Variants in RAB2A observed in about 807,000 individuals in gnomAD.
The protein encoded by RAB2A is RAB2A, member RAS oncogene family.
A neutral mutation model predicts 32.5 loss-of-function variants in RAB2A; 7 were observed. That is an observed-to-expected ratio of 0.22 (90% CI 0.12 to 0.40). RAB2A has a LOEUF of 0.40. Among genes scored for constraint, RAB2A ranks in the 10% least tolerant of loss-of-function variants. The pLI is 1.00. For synonymous variants in RAB2A, 79 were observed against 85.2 expected, an observed-to-expected ratio of 0.93 and a Z score of 0.40; for missense variants, 108 against 260.7, an observed-to-expected ratio of 0.41 and a Z score of 4.03.
chr8:60,558,104 A>G (rs373730191), intron 1 of RAB2A, among the ~76,000 whole-genome samples: 1 of 152,182 alleles, frequency 6.6e-6, no homozygotes, highest in East Asian at 1.9e-4. Context: ...GAATGAATGA[A>G]TGAATGGTGA....
intron 1 of RAB2A, among the ~76,000 whole-genome samples, chr8:60,545,520 C>T (rs1807713953): frequency 1.3e-5 from 2 of 152,144 alleles, no homozygotes; most frequent in South Asian, 2.1e-4. Flanking sequence ...CAAGCAGTCA[C>T]TCCTCCTGCC....
intron 1 of RAB2A, among the ~76,000 whole-genome samples, chr8:60,547,840 C>T (rs1256074034): frequency 1.6e-5 from 2 of 124,496 alleles, no homozygotes; most frequent in African/African-American, 3.3e-5. Flanking sequence ...GCTGACCCCC[C>T]CACCTCCCTC....
intron 6 of RAB2A, among the ~76,000 whole-genome samples, chr8:60,602,789 G>A (rs1804156031): frequency 6.6e-6 from 1 of 152,218 alleles, no homozygotes; most frequent in Admixed American, 6.5e-5. Context: ...TAATTATGGG[G>A]AAGTTTGTTC....
intron 1 of RAB2A, among the ~76,000 whole-genome samples, chr8:60,531,753 T>G (rs1258025783): frequency 6.6e-6 from 1 of 151,822 alleles, no homozygotes; most frequent in Non-Finnish European, 1.5e-5. Flanking sequence ...TTTTCACTAG[T>G]CTTCAGGGAA....
At chr8:60,615,584 CTCA>C (rs1804436018) in intron 6 of RAB2A, among the ~76,000 whole-genome samples, 1 of 152,048 alleles carries the variant, frequency 6.6e-6, no homozygotes, top group Admixed American at 6.5e-5. Context: ...ATACATATTT[CTCA>C]TCTTTTTGGA....
At chr8:60,538,822 T>G (rs1327814481) in intron 1 of RAB2A, among the ~76,000 whole-genome samples, 1 of 152,042 alleles carries the variant, frequency 6.6e-6, no homozygotes, top group African/African-American at 2.4e-5. Context: ...TGAAGGACAG[T>G]GAAGGGTGGA....
chr8:60,565,987 A>T (rs908369390), intron 2 of RAB2A, among the ~76,000 whole-genome samples: 3 of 152,144 alleles, frequency 2.0e-5, no homozygotes, highest in African/African-American at 7.2e-5. Flanking sequence ...TGCTGGGATT[A>T]CAGGCGTGAG....
intron 3 of RAB2A, among the ~76,000 whole-genome samples, chr8:60,574,546 T>G (rs1808241531): frequency 6.6e-6 from 1 of 152,366 alleles, no homozygotes; most frequent in African/African-American, 2.4e-5. Context: ...CATAAACCAC[T>G]TCATTGTCTG....
chr8:60,605,832 C>T (rs11781128), intron 6 of RAB2A, among the ~76,000 whole-genome samples: 32,294 of 119,960 alleles, frequency 0.27, 4,276 homozygotes, highest in Middle Eastern at 0.45. Flanking sequence ...GGGACTAATA[C>T]ATATATACAT....
chr8:60,580,128 CTGAGA>C (rs914126033), intron 3 of RAB2A, among the ~76,000 whole-genome samples: 1 of 151,594 alleles, frequency 6.6e-6, no homozygotes, highest in African/African-American at 2.4e-5. Context: ...TCCCAAGTAG[CTGAGA>C]TTACAGGTGT....
In RAB2A at chr8:60,517,089, A is replaced by G. The variant is rs11544472; in HGVS notation, c.-119A>G. On this transcript the variant is annotated 5_prime_UTR_variant, in exon 1 of 8. Transcript: ENST00000262646. The stretch of plus-strand genomic sequence containing the variant: ...CTCACTCCCGGCGGCTGACAGCAGC[A>G]GCGGCGGCGGCGGGCGGCGCCTGGC... The G allele has an allele frequency of 1.9e-6, 2 of 1,080,136 alleles. No individual in the cohort carries two copies. The highest frequency in any genetic ancestry group is 1.7e-5 in the African/African-American group (1 of 59,658). 66.9% of individuals were successfully genotyped at this position (1,080,136 alleles called of 1,614,324 possible).
At chr8:60,549,881 A>G (rs560127667) in intron 1 of RAB2A, among the ~76,000 whole-genome samples, 3 of 103,368 alleles carry the variant, frequency 2.9e-5, no homozygotes, top group East Asian at 3.8e-4. Flanking sequence ...CCTCCTTTTG[A>G]AAAAAAAAAA....
intron 1 of RAB2A, among the ~76,000 whole-genome samples, chr8:60,548,775 C>T (rs1807790556): frequency 7.2e-6 from 1 of 138,492 alleles, no homozygotes; most frequent in African/African-American, 2.9e-5. Flanking sequence ...GGGGCTGATC[C>T]CCCCACCTCC....
rs1482995362 is a variant in RAB2A, at chr8:60,623,585, T to C, written c.*2816T>C. The stretch of plus-strand genomic sequence containing the variant: ...ACCTGTATTTCTCAGAGTTTAGATG[T>C]GTGCTTTATGTTTACATTAAAATAA... On this transcript the variant is annotated 3_prime_UTR_variant, in exon 8 of 8. Transcript: ENST00000262646. The C allele has an allele frequency of 6.6e-6, 1 of 152,244 alleles. No individual in the cohort carries two copies. Among genetic ancestry groups the C allele is most frequent in the Non-Finnish European group, 1.5e-5 (1 of 68,042 alleles). 9.4% of individuals were successfully genotyped at this position (152,244 alleles called of 1,614,324 possible).
chr8:60,593,806 A>G (rs1445263778), intron 6 of RAB2A, among the ~76,000 whole-genome samples: 3 of 152,212 alleles, frequency 2.0e-5, no homozygotes, highest in East Asian at 3.8e-4. Flanking sequence ...TAATGCAGCA[A>G]TCATTAAAAT....
intron 1 of RAB2A, among the ~76,000 whole-genome samples, chr8:60,527,602 A>T (rs1469977508): frequency 1.3e-5 from 2 of 152,170 alleles, no homozygotes; most frequent in African/African-American, 4.8e-5. Context: ...ACAGAGCCAA[A>T]CCATATCAGG....
chr8:60,581,967 C>T (rs541744118), intron 3 of RAB2A, among the ~76,000 whole-genome samples: 31 of 138,448 alleles, frequency 2.2e-4, no homozygotes, highest in Non-Finnish European at 3.8e-4. Flanking sequence ...TTTTTAAAGA[C>T]ACAGGGCCTC....
chr8:60,590,579 A>G (rs1205752152), intron 5 of RAB2A, among the ~76,000 whole-genome samples: 1 of 137,930 alleles, frequency 7.3e-6, no homozygotes, highest in Non-Finnish European at 1.5e-5. Flanking sequence ...ATTTTAATAT[A>G]TGTATTTTAT....
chr8:60,548,822 C>T (rs1425067635), intron 1 of RAB2A, among the ~76,000 whole-genome samples: 11 of 147,036 alleles, frequency 7.5e-5, no homozygotes, highest in African/African-American at 2.4e-4. Context: ...GGGGGGCTGA[C>T]CCCCCCACCT....
Sources: allele counts gnomAD v4.1 joint callset (sites outside exome capture counted in the v4.1 genomes callset), GRCh38; gene constraint gnomAD v4.1.1; transcripts MANE v1.5; gene names NCBI Gene and HGNC (gene_info 2026-07-23, HGNC 2026-07-21).